Variants in CNTNAP2 observed in about 807,000 individuals in gnomAD.
The protein encoded by CNTNAP2 is contactin associated protein 2.
In CNTNAP2, 98 loss-of-function variants were observed where a neutral mutation model predicts 155.2. That is an observed-to-expected ratio of 0.63 (90% CI 0.54 to 0.75). The LOEUF is 0.75. Among genes scored for constraint, CNTNAP2 ranks in the 30% least tolerant of loss-of-function variants. The pLI, the probability that CNTNAP2 is intolerant of heterozygous loss-of-function variation, is 0.00. For synonymous variants in CNTNAP2, 651 were observed against 631.2 expected (o/e 1.03, Z -0.47); for missense variants, 1,727 against 1,688.1 (o/e 1.02, Z -0.40).
intron 13 of CNTNAP2, among the ~76,000 whole-genome samples, chr7:147,756,450 A>T (rs116451131): frequency 0.014 from 2,063 of 152,360 alleles, 38 homozygotes; most frequent in African/African-American, 0.046. Flanking sequence ...TCACACAGAC[A>T]GTAGCAGAAA....
intron 17 of CNTNAP2, among the ~76,000 whole-genome samples, chr7:148,165,774 T>C (rs1316887241): frequency 6.6e-6 from 1 of 152,002 alleles, no homozygotes; most frequent in Non-Finnish European, 1.5e-5. Flanking sequence ...CATCAAATTG[T>C]GCCTGGCATC....
intron 3 of CNTNAP2, among the ~76,000 whole-genome samples, chr7:146,890,304 G>A (rs939005285): frequency 7.9e-5 from 12 of 152,120 alleles, no homozygotes; most frequent in East Asian, 1.9e-4. Flanking sequence ...AGCTGGTATC[G>A]CTGTCCTGAC....
intron 12 of CNTNAP2, among the ~76,000 whole-genome samples, chr7:147,591,035 G>A (rs1334215464): frequency 7.2e-5 from 11 of 152,104 alleles, no homozygotes. Flanking sequence ...ATCTACTACA[G>A]CCTTGGATTT....
At chr7:146,830,495 A>G (rs1803489406) in intron 2 of CNTNAP2, among the ~76,000 whole-genome samples, 1 of 152,192 alleles carries the variant, frequency 6.6e-6, no homozygotes, top group African/African-American at 2.4e-5. Flanking sequence ...CTTTATAAAA[A>G]TGCATGAAAA....
intron 3 of CNTNAP2, among the ~76,000 whole-genome samples, chr7:146,979,410 G>T (rs767779236): frequency 6.6e-6 from 1 of 151,918 alleles, no homozygotes; most frequent in Non-Finnish European, 1.5e-5. Flanking sequence ...TATCCAGATC[G>T]CATCTCAAAT....
chr7:148,246,782 A>G (rs1215396183), intron 20 of CNTNAP2, among the ~76,000 whole-genome samples: 1 of 152,246 alleles, frequency 6.6e-6, no homozygotes, highest in Non-Finnish European at 1.5e-5. Context: ...AGTTAGGGGA[A>G]TGACTCAGTG....
chr7:146,440,137 A>G (rs1183629877), intron 1 of CNTNAP2, among the ~76,000 whole-genome samples: 1 of 151,628 alleles, frequency 6.6e-6, no homozygotes, highest in African/African-American at 2.4e-5. Context: ...ACAAAACAAA[A>G]CAAAACAAAA....
At position 148,107,829 on chromosome 7, in the gene CNTNAP2, A is replaced by G. The variant is rs541415081; in HGVS notation, c.2384-10289A>G. ...TAGTCTCTTCAGAGCTGCTATTTAC[A>G]TTGGAAGGTGTTTGCCATTTACAGC... is the stretch of plus-strand genomic sequence containing the variant. On this transcript the variant is annotated intron_variant, in intron 15 of 23. Coordinates refer to ENST00000361727, the MANE Select transcript of CNTNAP2 (RefSeq NM_014141.6). Among the ~76,000 whole-genome samples, 15 of 152,350 alleles carry G rather than the reference A, an allele frequency of 9.8e-5. 2 individuals are homozygous for G. The South Asian group carries it at 2.1e-3, about 21-fold the overall frequency.
intron 8 of CNTNAP2, among the ~76,000 whole-genome samples, chr7:147,179,825 T>C (rs1037661960): frequency 6.6e-6 from 1 of 152,114 alleles, no homozygotes; most frequent in Admixed American, 6.6e-5. Context: ...GTTACAATGA[T>C]AGTTATATGG....
At position 146,475,947 on chromosome 7, in the gene CNTNAP2, A is replaced by C. The variant is rs974659135; in HGVS notation, c.98-298324A>C. Among the ~76,000 whole-genome samples the C allele has an allele frequency of 1.2e-4, 19 of 152,144 alleles. 1 individual carries two copies. The highest frequency in any genetic ancestry group is 1.2e-3 in the Admixed American group (19 of 15,272). On this transcript the variant is annotated intron_variant, in intron 1 of 23. Coordinates refer to ENST00000361727, the MANE Select transcript of CNTNAP2 (RefSeq NM_014141.6). ...TTATGATTTTTTATGTTGGGAAATTAAAAATATCCTAAAGGCACTCTAAAT... is the reference window on the plus strand; with the variant it reads ...TTATGATTTTTTATGTTGGGAAATTCAAAATATCCTAAAGGCACTCTAAAT...
chr7:147,639,459 T>C (rs1178512823), intron 13 of CNTNAP2, among the ~76,000 whole-genome samples, 153 bp downstream of exon 13: 2 of 152,196 alleles, frequency 1.3e-5, no homozygotes, highest in East Asian at 3.8e-4. Flanking sequence ...TTGGGCTTGT[T>C]TTCTGGGGAA....
At chr7:148,104,104 T>C (rs1804157506) in intron 15 of CNTNAP2, among the ~76,000 whole-genome samples, 1 of 152,210 alleles carries the variant, frequency 6.6e-6, no homozygotes, top group South Asian at 2.1e-4. Flanking sequence ...TGAATTCATT[T>C]CCTCGTCTCT....
intron 14 of CNTNAP2, among the ~76,000 whole-genome samples, chr7:147,969,248 G>A (rs1176778058): frequency 3.3e-5 from 5 of 152,128 alleles, no homozygotes; most frequent in Non-Finnish European, 5.9e-5. Flanking sequence ...ACAGGGTTTC[G>A]CCATATTGCC....
chr7:147,399,960 G>A (rs1796884193), intron 10 of CNTNAP2, among the ~76,000 whole-genome samples: 1 of 152,108 alleles, frequency 6.6e-6, no homozygotes, highest in African/African-American at 2.4e-5. Flanking sequence ...AACATTCTCT[G>A]AGAAAGGTAA....
chr7:147,480,347 A>ATATT (rs1213008295), intron 10 of CNTNAP2, among the ~76,000 whole-genome samples: 1 of 152,218 alleles, frequency 6.6e-6, no homozygotes, highest in East Asian at 1.9e-4. Context: ...AGAACAAGGC[A>ATATT]TATTTAATGT....
intron 2 of CNTNAP2, among the ~76,000 whole-genome samples, chr7:146,788,833 T>C (rs1441306720): frequency 6.6e-6 from 1 of 152,154 alleles, no homozygotes; most frequent in Non-Finnish European, 1.5e-5. Context: ...TTTTTTTGTT[T>C]TGTTTTGTTT....
chr7:146,120,383 C>T (rs1797544030), intron 1 of CNTNAP2, among the ~76,000 whole-genome samples: 1 of 151,984 alleles, frequency 6.6e-6, no homozygotes, highest in Non-Finnish European at 1.5e-5. Flanking sequence ...TGTATAATCT[C>T]GATTTTATTA....
At chr7:146,514,003 C>T (rs1797506032) in intron 1 of CNTNAP2, among the ~76,000 whole-genome samples, 1 of 151,846 alleles carries the variant, frequency 6.6e-6, no homozygotes, top group Non-Finnish European at 1.5e-5. Flanking sequence ...TTTTATATAT[C>T]CTTTTTTTAA....
At chr7:146,483,613 TA>T (rs1388721184) in intron 1 of CNTNAP2, among the ~76,000 whole-genome samples, 3 of 150,692 alleles carry the variant, frequency 2.0e-5, no homozygotes, top group East Asian at 3.9e-4. Context: ...ATTCCAAGAA[TA>T]AAAAAAGTTT....
Sources: gnomAD v4.1 joint callset for allele counts (sites outside exome capture counted in the v4.1 genomes callset) on GRCh38, gnomAD v4.1.1 for gene constraint, MANE v1.5 for transcripts, NCBI Gene and HGNC (gene_info 2026-07-23, HGNC 2026-07-21) for gene names.